ZNF44: variants seen among roughly 807,000 people sequenced by gnomAD.
The protein encoded by ZNF44 is zinc finger protein 44.
ZNF44 carries 9 observed loss-of-function variants against 11.7 expected under a neutral mutation model. The observed-to-expected ratio is 0.77, with a 90% CI of 0.46 to 1.35. ZNF44 has a LOEUF of 1.35. Ranked by LOEUF, ZNF44 falls within the 40% of genes most tolerant of loss-of-function variation. ZNF44 has a pLI of 0.00. For missense variants in ZNF44, 696 were observed against 743.1 expected (o/e 0.94, Z 0.74); for synonymous variants, 224 against 242.7 (o/e 0.92, Z 0.72).
At chr19:12,283,966 G>A (rs1837949960) in intron 1 of ZNF44, among the ~76,000 whole-genome samples, 2 of 152,212 alleles carry the variant, frequency 1.3e-5, no homozygotes, top group African/African-American at 4.8e-5. Context: ...CAGCCTGGGT[G>A]ACAGAGCTGG....
intron 6 of ZNF44, chr19:12,250,062 TTA>T (rs1397422139): frequency 7.9e-7 from 1 of 1,267,804 alleles, no homozygotes; most frequent in African/African-American, 1.5e-5. Context: ...CCAGAAAAAA[TTA>T]TCATAAATTA....
At chr19:12,268,181 CA>C (rs56782420), downstream of ZNF44, among the ~76,000 whole-genome samples, 22,882 of 140,496 alleles carry the variant, frequency 0.16, 1,803 homozygotes, top group East Asian at 0.22. Context: ...CACACACACA[CA>C]AGCTCCTTCC....
intron 1 of ZNF44, chr19:12,284,673 T>G: frequency 1.3e-6 from 1 of 753,104 alleles, no homozygotes; most frequent in Non-Finnish European, 2.3e-6. Context: ...GTGCACCAGG[T>G]TCAAGGCGTT....
intron 1 of ZNF44, among the ~76,000 whole-genome samples, chr19:12,289,432 A>G (rs1301859536): frequency 6.6e-6 from 1 of 152,116 alleles, no homozygotes; most frequent in African/African-American, 2.4e-5. Context: ...TTCATGACTC[A>G]TCCCATGAAC....
chr19:12,232,246 CA>C, intron 2 of ZNF44, among the ~76,000 whole-genome samples: 1 of 152,368 alleles, frequency 6.6e-6, no homozygotes, highest in East Asian at 1.9e-4. Flanking sequence ...CTAGAACGTA[CA>C]ATCGGGTTTT....
intron 6 of ZNF44, chr19:12,250,123 G>T: frequency 8.1e-7 from 1 of 1,239,554 alleles, no homozygotes; most frequent in Non-Finnish European, 1.0e-6. Flanking sequence ...ATGTGACCAT[G>T]CCTGATTTAC....
At chr19:12,293,277 G>A in intron 1 of ZNF44, 2 of 1,537,020 alleles carry the variant, frequency 1.3e-6, no homozygotes, top group Non-Finnish European at 1.7e-6. Flanking sequence ...GCTGTCCTCT[G>A]GGAAGAGTGA....
chr19:12,254,884 G>A (rs985185904), intron 5 of ZNF44, among the ~76,000 whole-genome samples: 3 of 152,156 alleles, frequency 2.0e-5, no homozygotes, highest in East Asian at 1.9e-4. Context: ...TCAAGAGTTC[G>A]AGACCAGCCT....
chr19:12,280,691 A>G (rs1003736650), intron 1 of ZNF44, among the ~76,000 whole-genome samples: 1 of 152,192 alleles, frequency 6.6e-6, no homozygotes, highest in Non-Finnish European at 1.5e-5. Flanking sequence ...ACAAGGCCCC[A>G]AACTATATTT....
At chr19:12,245,022 A>C (rs1012046428), downstream of ZNF44, among the ~76,000 whole-genome samples, 11 of 152,246 alleles carry the variant, frequency 7.2e-5, no homozygotes, top group African/African-American at 2.7e-4. Context: ...GTCTCTGGCA[A>C]GATGGCACAG....
intron 1 of ZNF44, among the ~76,000 whole-genome samples, chr19:12,281,759 T>G (rs1403252441): frequency 5.9e-5 from 9 of 152,174 alleles, no homozygotes; most frequent in African/African-American, 2.2e-4. Flanking sequence ...AACAACTAAG[T>G]GCCCACATAT....
intron 2 of ZNF44, among the ~76,000 whole-genome samples, chr19:12,233,752 G>A (rs924178078): frequency 5.3e-5 from 8 of 152,134 alleles, no homozygotes; most frequent in African/African-American, 1.7e-4. Context: ...TCTTTCTAAT[G>A]TAATGACTAC....
At chr19:12,268,079 C>A (rs187799492), downstream of ZNF44, among the ~76,000 whole-genome samples, 3 of 151,200 alleles carry the variant, frequency 2.0e-5, no homozygotes, top group East Asian at 5.8e-4. Context: ...TCAGGTGATC[C>A]GCCTGCCTCG....
At chr19:12,285,158 C>G (rs557459025) in intron 1 of ZNF44, 1 of 567,846 alleles carries the variant, frequency 1.8e-6, no homozygotes, top group African/African-American at 1.9e-5. Flanking sequence ...TGCAGAGGAC[C>G]CAGGCTCCAG....
chr19:12,293,329 G>A lies in ZNF44; in HGVS notation c.3+1363C>T, dbSNP rs1459935645. On this transcript the variant is annotated intron_variant, in intron 1 of 3. Transcript: ENST00000355684. Reference sequence around the variant, plus strand: ...CACTAGGCCCTCCATGAGATTGGCAGCTTCCAGCATCTTAGGGTAGCCCCA... The same window carrying A: ...CACTAGGCCCTCCATGAGATTGGCAACTTCCAGCATCTTAGGGTAGCCCCA... 94 of 1,536,870 alleles carry A rather than the reference G, an allele frequency of 6.1e-5. No individual in the cohort carries two copies. In the East Asian group the frequency reaches 2.3e-3, roughly 38 times the overall value.
exon 8 of ZNF44, chr19:12,248,245 G>C (rs1227507566): frequency 7.7e-7 from 1 of 1,299,362 alleles, no homozygotes; most frequent in African/African-American, 1.5e-5. Flanking sequence ...GCAGATTGGT[G>C]GTATCGGAAT....
chr19:12,244,956 C>T (rs572465947), downstream of ZNF44, among the ~76,000 whole-genome samples: 1 of 152,296 alleles, frequency 6.6e-6, no homozygotes, highest in African/African-American at 2.4e-5. Context: ...GCTTTGTGTT[C>T]ATCCTTATTA....
chr19:12,230,488 ACGTT>A (rs1227522328), exon 3 of ZNF44: 1 of 152,294 alleles, frequency 6.6e-6, no homozygotes, highest in African/African-American at 2.4e-5. Flanking sequence ...TCTGATGTTA[ACGTT>A]CCAGTTGGCC....
intron 2 of ZNF44, among the ~76,000 whole-genome samples, chr19:12,233,068 A>C (rs1916227172): frequency 6.6e-6 from 1 of 152,190 alleles, no homozygotes. Context: ...GGTCAGCATG[A>C]CCATAAACCA....
Sources: gnomAD v4.1 joint callset for allele counts (sites outside exome capture counted in the v4.1 genomes callset) on GRCh38, gnomAD v4.1.1 for gene constraint, MANE v1.5 for transcripts, NCBI Gene and HGNC (gene_info 2026-07-23, HGNC 2026-07-21) for gene names.